The following UBR3 variants were observed in gnomAD, a reference collection of about 807,000 sequenced individuals.
UBR3 encodes ubiquitin protein ligase E3 component n-recognin 3.
UBR3 carries 85 observed loss-of-function variants against 243.2 expected under a neutral mutation model. The ratio of observed to expected loss-of-function variants is 0.35; its 90% CI spans 0.29 to 0.42. The LOEUF (loss-of-function observed/expected upper bound fraction) is 0.42, where lower values mean the gene tolerates loss of function less well. Among genes scored for constraint, UBR3 ranks in the 10% least tolerant of loss-of-function variants. The pLI is 1.00. For missense variants in UBR3, 1,686 were observed against 2,300.8 expected, an observed-to-expected ratio of 0.73 and a Z score of 5.47; for synonymous variants, 748 against 799.8, an observed-to-expected ratio of 0.94 and a Z score of 1.09.
intron 26 of UBR3, among the ~76,000 whole-genome samples, chr2:169,996,413 T>G (rs1018516299): frequency 1.3e-5 from 2 of 152,194 alleles, no homozygotes; most frequent in Admixed American, 1.3e-4. Flanking sequence ...AGGTTAGGGT[T>G]CACTCTGCAT....
intron 30 of UBR3, among the ~76,000 whole-genome samples, chr2:170,015,704 AAT>A (rs1421975304): frequency 6.6e-5 from 10 of 152,050 alleles, no homozygotes; most frequent in African/African-American, 2.2e-4. Flanking sequence ...TTATAAAGAC[AAT>A]ATATGTTACC....
chr2:169,993,390 G>A (rs1459110549), intron 25 of UBR3, among the ~76,000 whole-genome samples: 1 of 152,088 alleles, frequency 6.6e-6, no homozygotes, highest in South Asian at 2.1e-4. Context: ...GATATTTCTT[G>A]ATCCACAATC....
At chr2:169,841,202 T>C (rs2082276143) in intron 1 of UBR3, among the ~76,000 whole-genome samples, 1 of 152,236 alleles carries the variant, frequency 6.6e-6, no homozygotes, top group Non-Finnish European at 1.5e-5. Flanking sequence ...GATTATAAAT[T>C]TCATCTTCAC....
chr2:169,920,234 C>T (rs1318576703), intron 11 of UBR3, among the ~76,000 whole-genome samples: 2 of 152,102 alleles, frequency 1.3e-5, no homozygotes, highest in Non-Finnish European at 2.9e-5. Context: ...CCAAACACCG[C>T]ATGTTCTCAC....
rs552935982 is a variant in UBR3 at position 169,865,910 on chromosome 2, G to C, written c.546-6326G>C. Among the ~76,000 whole-genome samples the C allele has an allele frequency of 3.3e-5, 5 of 152,212 alleles. No individual in the cohort carries two copies. In the East Asian group the frequency reaches 9.7e-4, roughly 29 times the overall value. ...AACGCCTGTAATCCCAGCACTTTGGGAAGCTGAGGCTGGTGCATCACCTGA... is the reference window on the plus strand; with the variant it reads ...AACGCCTGTAATCCCAGCACTTTGGCAAGCTGAGGCTGGTGCATCACCTGA... On this transcript the variant is annotated intron_variant, in intron 1 of 38. Coordinates refer to ENST00000272793, the MANE Select transcript of UBR3 (RefSeq NM_172070.4).
intron 19 of UBR3, among the ~76,000 whole-genome samples, chr2:169,939,812 G>T (rs1044030194): frequency 4.7e-5 from 7 of 148,814 alleles, no homozygotes; most frequent in Admixed American, 4.7e-4. Context: ...TGATCTGCTT[G>T]CCTTGGCCTC....
chr2:169,859,017 C>CT (rs1202874080), intron 1 of UBR3, among the ~76,000 whole-genome samples: 6 of 148,560 alleles, frequency 4.0e-5, no homozygotes, highest in Non-Finnish European at 8.9e-5. Context: ...CTTCTGGTTA[C>CT]TTTGATTATT....
At chr2:169,920,352 ATATACC>A (rs2085648218) in intron 11 of UBR3, among the ~76,000 whole-genome samples, 1 of 152,148 alleles carries the variant, frequency 6.6e-6, no homozygotes, top group African/African-American at 2.4e-5. Flanking sequence ...GCATTAGGAG[ATATACC>A]TAATGTTAAA....
In UBR3 at chr2:169,950,172, C is replaced by T. The variant is rs1389163307; in HGVS notation, c.3545+107C>T. 4.9e-6 allele frequency: 5 copies of T among 1,015,832 alleles called. No homozygotes were observed. The East Asian group carries it at 1.0e-4, about 21-fold the overall frequency. 62.9% of individuals were successfully genotyped at this position (1,015,832 alleles called of 1,614,324 possible). ...CACCTGGATGTTTAACAGGAACAGT[C>T]ATAGCTGATTAGTTTGTAACATAAA... On this transcript the variant is annotated intron_variant, in intron 23 of 38. Coordinates refer to ENST00000272793, the MANE Select transcript of UBR3 (RefSeq NM_172070.4).
chr2:169,997,830 A>G (rs2089553488), intron 26 of UBR3, among the ~76,000 whole-genome samples: 1 of 152,058 alleles, frequency 6.6e-6, no homozygotes, highest in Admixed American at 6.6e-5. Flanking sequence ...TGGTCTCAGA[A>G]TGGGGGAGTG....
At chr2:169,999,430 G>A (rs151093948) in intron 26 of UBR3, among the ~76,000 whole-genome samples, 92 of 152,332 alleles carry the variant, frequency 6.0e-4, no homozygotes, top group African/African-American at 2.1e-3. Flanking sequence ...CTCGTGAAGA[G>A]TCTTCATTTA....
At chr2:169,853,646 C>T (rs188524775) in intron 1 of UBR3, among the ~76,000 whole-genome samples, 126 of 152,148 alleles carry the variant, frequency 8.3e-4, no homozygotes, top group African/African-American at 3.0e-3. Flanking sequence ...GATTGGGTTT[C>T]ACCATGTTGG....
At chr2:169,882,694 C>T (rs908974957) in intron 5 of UBR3, among the ~76,000 whole-genome samples, 28 of 150,882 alleles carry the variant, frequency 1.9e-4, no homozygotes, top group African/African-American at 6.8e-4. Flanking sequence ...GCTGAGATTG[C>T]ACCACTGCAC....
chr2:169,968,074 T>A (rs1376140864), intron 24 of UBR3, among the ~76,000 whole-genome samples: 1 of 152,050 alleles, frequency 6.6e-6, no homozygotes, highest in Non-Finnish European at 1.5e-5. Flanking sequence ...AATTTAATAT[T>A]TACAAAAATT....
At chr2:169,845,521 C>T (rs1427254955) in intron 1 of UBR3, among the ~76,000 whole-genome samples, 3 of 145,926 alleles carry the variant, frequency 2.1e-5, no homozygotes, top group South Asian at 2.2e-4. Flanking sequence ...TCGTCGTCGT[C>T]GTCGTCGTCG....
rs1474580215 is a variant in UBR3 at position 170,084,050 on chromosome 2, A to G, written c.*2207A>G. Reference sequence around the variant, plus strand: ...AATTGATCTTTATAATTAAGCAGAAATTACAAAACTAGGAATAATCAACAT... The same window carrying G: ...AATTGATCTTTATAATTAAGCAGAAGTTACAAAACTAGGAATAATCAACAT... On this transcript the variant is annotated 3_prime_UTR_variant, in exon 39 of 39. Transcript: ENST00000272793. 2 of 152,638 alleles carry G rather than the reference A, an allele frequency of 1.3e-5. No homozygotes were observed. The highest frequency in any genetic ancestry group is 1.5e-5 in the Non-Finnish European group (1 of 68,032). The allele number at this position is 152,638 out of a possible 1,614,324, so 9.5% of individuals were successfully genotyped here.
chr2:170,073,305 TCAG>T, intron 35 of UBR3, 120 bp from the exon 36 acceptor site: 5 of 1,089,732 alleles, frequency 4.6e-6, no homozygotes, highest in African/African-American at 3.2e-5. Flanking sequence ...TCACTTTTTT[TCAG>T]TTGACTCAGT....
rs186248514 is a variant in UBR3 at position 170,078,920 on chromosome 2, A to G, written c.5200-894A>G. Among the ~76,000 whole-genome samples the G allele has an allele frequency of 2.0e-5, 3 of 152,288 alleles. No individual in the cohort carries two copies. In the East Asian group the frequency reaches 5.8e-4, roughly 29 times the overall value. On this transcript the variant is annotated intron_variant, in intron 36 of 38. Transcript: ENST00000272793. The stretch of plus-strand genomic sequence containing the variant: ...TGAGTATTGGCAAATGATGTATTGT[A>G]TACTGTTCTTATCATTGCTTCCATG...
chr2:169,991,833 C>T (rs910954856), intron 25 of UBR3, among the ~76,000 whole-genome samples: 8 of 152,248 alleles, frequency 5.3e-5, no homozygotes, highest in East Asian at 1.9e-4. Context: ...CTGCCCACCT[C>T]GGCCTCCCAA....
Sources: gnomAD v4.1 joint callset for allele counts (sites outside exome capture counted in the v4.1 genomes callset) on GRCh38, gnomAD v4.1.1 for gene constraint, MANE v1.5 for transcripts, NCBI Gene and HGNC (gene_info 2026-07-23, HGNC 2026-07-21) for gene names.